Variants in CENPW observed in about 807,000 individuals in gnomAD.
CENPW encodes centromere protein W, also known as cancer-up-regulated gene 2 protein.
A neutral mutation model predicts 11.1 loss-of-function variants in CENPW; 3 were observed. The observed-to-expected ratio is 0.27, with a 90% CI of 0.12 to 0.70. The LOEUF is 0.70. Ranked by LOEUF, CENPW falls within the 30% of genes least tolerant of loss-of-function variation. CENPW has a pLI of 0.77. For synonymous variants in CENPW, 38 were observed against 42.0 expected (o/e 0.91, Z 0.37); for missense variants, 100 against 105.6 (o/e 0.95, Z 0.23).
the CENPW span, among the ~76,000 whole-genome samples, chr6:126,404,851 TG>T: frequency 2.2e-4 from 28 of 125,814 alleles, no homozygotes; most frequent in South Asian, 8.6e-3. Context: ...TTAAAGTATT[TG>T]GGTTTTTTTT....
At chr6:126,369,740 C>G in the CENPW span, among the ~76,000 whole-genome samples, 8 of 152,150 alleles carry the variant, frequency 5.3e-5, no homozygotes, top group Non-Finnish European at 8.8e-5. Flanking sequence ...TCTGTTTACT[C>G]TGCTCATTGT....
the CENPW span, among the ~76,000 whole-genome samples, chr6:126,385,658 T>A: frequency 6.6e-6 from 1 of 152,086 alleles, no homozygotes; most frequent in African/African-American, 2.4e-5. Flanking sequence ...ATGGGAGCCA[T>A]TTTGCCCATG....
At chr6:126,365,502 A>T in the CENPW span, among the ~76,000 whole-genome samples, 1 of 152,058 alleles carries the variant, frequency 6.6e-6, no homozygotes, top group East Asian at 1.9e-4. Context: ...CTTTCAAACA[A>T]CCAGATCTCC....
At chr6:126,421,576 C>T in the CENPW span, among the ~76,000 whole-genome samples, 2 of 135,062 alleles carry the variant, frequency 1.5e-5, no homozygotes, top group East Asian at 7.1e-4. Flanking sequence ...CCTTTTCTAA[C>T]ACTTTCTTTT....
chr6:126,367,823 T>C, the CENPW span, among the ~76,000 whole-genome samples: 3 of 152,092 alleles, frequency 2.0e-5, no homozygotes, highest in African/African-American at 7.2e-5. Flanking sequence ...GAGGAGACAG[T>C]TGATGTGGGA....
the CENPW span, among the ~76,000 whole-genome samples, chr6:126,458,077 C>T: frequency 6.6e-6 from 1 of 151,296 alleles, no homozygotes; most frequent in Admixed American, 6.6e-5. Flanking sequence ...TTCTATTGAG[C>T]TTACACTTTC....
the CENPW span, among the ~76,000 whole-genome samples, chr6:126,449,149 T>C: frequency 6.6e-6 from 1 of 151,114 alleles, no homozygotes; most frequent in Non-Finnish European, 1.5e-5. Context: ...AAACCTTTTA[T>C]TACATTTTCT....
the CENPW span, among the ~76,000 whole-genome samples, chr6:126,361,889 C>A: frequency 6.6e-6 from 1 of 152,220 alleles, no homozygotes; most frequent in East Asian, 1.9e-4. Context: ...CCGGCCACAA[C>A]TTTCAGCTCA....
At chr6:126,419,020 T>C in the CENPW span, among the ~76,000 whole-genome samples, 24 of 152,080 alleles carry the variant, frequency 1.6e-4, no homozygotes, top group African/African-American at 4.3e-4. Flanking sequence ...ACATGGCACA[T>C]GTATACATAT....
chr6:126,340,178 G>C lies in CENPW; in HGVS notation c.-96G>C. 1 of 1,153,736 alleles carries C rather than the reference G, an allele frequency of 8.7e-7. No homozygotes were observed. Among genetic ancestry groups the C allele is most frequent in the Non-Finnish European group, 1.3e-6 (1 of 788,990 alleles). The allele number at this position is 1,153,736 out of a possible 1,614,324, so 71.5% of individuals were successfully genotyped here. A position where few individuals can be genotyped will look rare whatever the true frequency, so the allele number is the denominator to read the frequency against. On this transcript the variant is annotated 5_prime_UTR_variant, in exon 1 of 3. Transcript: ENST00000368328. Reference sequence around the variant, plus strand: ...TTTTCTGCCTGAAGAAGCGTCATACGGACCGGATTGTTTTCGCTGGCCCAG... The same window carrying C: ...TTTTCTGCCTGAAGAAGCGTCATACCGACCGGATTGTTTTCGCTGGCCCAG...
the CENPW span, among the ~76,000 whole-genome samples, chr6:126,398,288 T>A: frequency 6.6e-6 from 1 of 152,206 alleles, no homozygotes; most frequent in Non-Finnish European, 1.5e-5. Flanking sequence ...TCTGTTTTGT[T>A]TGCTGAAGCA....
chr6:126,450,785 C>A, the CENPW span, among the ~76,000 whole-genome samples: 2 of 150,772 alleles, frequency 1.3e-5, no homozygotes, highest in Non-Finnish European at 3.0e-5. Flanking sequence ...CTGCATCTAA[C>A]AATTGTCAAA....
the CENPW span, among the ~76,000 whole-genome samples, chr6:126,463,017 G>T: frequency 1.3e-4 from 20 of 152,060 alleles, no homozygotes; most frequent in Admixed American, 6.6e-4. Flanking sequence ...AATGGGACAA[G>T]TTTAGGAAAT....
At chr6:126,383,403 G>T in the CENPW span, among the ~76,000 whole-genome samples, 1 of 152,064 alleles carries the variant, frequency 6.6e-6, no homozygotes, top group Non-Finnish European at 1.5e-5. Flanking sequence ...TTGATGACAG[G>T]ATCAAATCCA....
At chr6:126,456,267 CA>C in the CENPW span, among the ~76,000 whole-genome samples, 1,475 of 151,410 alleles carry the variant, frequency 9.7e-3, 5 homozygotes, top group Non-Finnish European at 0.016. Context: ...GCAAAACATA[CA>C]AAGATGGAAG....
At chr6:126,362,881 A>G in the CENPW span, among the ~76,000 whole-genome samples, 4 of 152,152 alleles carry the variant, frequency 2.6e-5, no homozygotes, top group East Asian at 7.7e-4. Context: ...GCTACCCATA[A>G]GAGAAATACT....
chr6:126,366,186 T>A, the CENPW span, among the ~76,000 whole-genome samples: 1 of 152,192 alleles, frequency 6.6e-6, no homozygotes, highest in African/African-American at 2.4e-5. Flanking sequence ...ATGTGATTTG[T>A]ATTATAAGTT....
the CENPW span, among the ~76,000 whole-genome samples, chr6:126,357,859 A>T: frequency 1.7e-4 from 26 of 152,052 alleles, no homozygotes; most frequent in Non-Finnish European, 2.8e-4. Flanking sequence ...CGCCTGCCGC[A>T]GCCTCCCAAA....
chr6:126,378,594 AG>A, the CENPW span, among the ~76,000 whole-genome samples: 1 of 152,164 alleles, frequency 6.6e-6, no homozygotes, highest in Non-Finnish European at 1.5e-5. Context: ...ATACTGCTTT[AG>A]AACTCATTTT....
Sources: allele counts gnomAD v4.1 joint callset (sites outside exome capture counted in the v4.1 genomes callset), GRCh38; gene constraint gnomAD v4.1.1; transcripts MANE v1.5; gene names NCBI Gene and HGNC (gene_info 2026-07-23, HGNC 2026-07-21).